Variants in EXOC6 observed in about 807,000 individuals in gnomAD.
EXOC6 encodes the protein SEC15-like 1.
Under a neutral mutation model 112.5 loss-of-function variants are expected in EXOC6, and 60 were observed. The observed-to-expected ratio is 0.53, with a 90% CI of 0.43 to 0.66. The LOEUF is 0.66. Ranked by LOEUF, EXOC6 falls within the 30% of genes least tolerant of loss-of-function variation. The probability of loss-of-function intolerance (pLI) is 0.00; values close to 1 mark genes in which losing one functional copy is unlikely to be tolerated. For missense variants in EXOC6, 855 were observed against 957.1 expected (o/e 0.89, Z 1.41); for synonymous variants, 295 against 308.0 (o/e 0.96, Z 0.44).
chr10:93,008,716 C>T (rs1844106923), intron 19 of EXOC6, among the ~76,000 whole-genome samples: 1 of 152,124 alleles, frequency 6.6e-6, no homozygotes, highest in Non-Finnish European at 1.5e-5. Flanking sequence ...ATTCAACACA[C>T]ATTTATTGAC....
At chr10:92,850,960 AAAAC>A (rs1847298300) in intron 1 of EXOC6, among the ~76,000 whole-genome samples, 3 of 152,366 alleles carry the variant, frequency 2.0e-5, no homozygotes, top group African/African-American at 7.2e-5. Context: ...GTAGTTAAAA[AAAAC>A]AAAAAAACAA....
chr10:93,013,830 A>G (rs75167419), intron 19 of EXOC6, among the ~76,000 whole-genome samples: 67 of 152,292 alleles, frequency 4.4e-4, no homozygotes, highest in African/African-American at 1.5e-3. Context: ...CAGCCATGGA[A>G]TTGGTATCAT....
Position 92,898,301 on chromosome 10 carries a change from G to A in EXOC6, c.413-1298G>A, listed in dbSNP as rs182789816. Among the ~76,000 whole-genome samples the A allele has an allele frequency of 3.1e-4, 47 of 151,478 alleles. No homozygotes were observed. In the East Asian group the frequency reaches 7.4e-3, roughly 24 times the overall value. ...AAAAAAATTAGCCAGCTGTGGTGGC[G>A]TACCTGTGGTTCTAACTACTGGGGA... On this transcript the variant is annotated intron_variant, in intron 4 of 21. Coordinates refer to ENST00000260762, the MANE Select transcript of EXOC6 (RefSeq NM_019053.6).
chr10:92,839,533 G>A (rs1166528368), intron 1 of EXOC6, among the ~76,000 whole-genome samples: 1 of 152,166 alleles, frequency 6.6e-6, no homozygotes, highest in Non-Finnish European at 1.5e-5. Flanking sequence ...CTAGGATAGG[G>A]TAGTAGCAGT....
At chr10:93,025,907 T>C (rs1564920582) in intron 20 of EXOC6, among the ~76,000 whole-genome samples, 1 of 152,166 alleles carries the variant, frequency 6.6e-6, no homozygotes, top group African/African-American at 2.4e-5. Context: ...TAGTCATTCT[T>C]CTCCTCCCTT....
At chr10:92,866,585 A>G (rs899106222) in intron 1 of EXOC6, among the ~76,000 whole-genome samples, 3 of 152,146 alleles carry the variant, frequency 2.0e-5, no homozygotes, top group Non-Finnish European at 2.9e-5. Context: ...GTTTAAATTA[A>G]AAGTTTGTCA....
At chr10:92,911,931 CTGTGTGCGTGTG>C (rs1400202545) in intron 6 of EXOC6, among the ~76,000 whole-genome samples, 3 of 44,104 alleles carry the variant, frequency 6.8e-5, no homozygotes, top group African/African-American at 2.4e-4. Flanking sequence ...CTCTCTCTCT[CTGTGTGCGTGTG>C]TGTGTGTGTG....
At chr10:92,921,205 GA>G (rs1851419153) in intron 8 of EXOC6, among the ~76,000 whole-genome samples, 1 of 148,378 alleles carries the variant, frequency 6.7e-6, no homozygotes, top group East Asian at 2.0e-4. Context: ...GCATTAAATA[GA>G]TATTTTCTTA....
At chr10:92,986,907 T>C (rs1248377900) in intron 18 of EXOC6, among the ~76,000 whole-genome samples, 1 of 152,000 alleles carries the variant, frequency 6.6e-6, no homozygotes, top group Non-Finnish European at 1.5e-5. Context: ...TTGAGACCAG[T>C]GATTTAGTTT....
At chr10:92,831,626 G>T (rs1846485125), upstream of EXOC6, among the ~76,000 whole-genome samples, 1 of 151,754 alleles carries the variant, frequency 6.6e-6, no homozygotes, top group Non-Finnish European at 1.5e-5. Flanking sequence ...GTAGAGATGG[G>T]GTTTCACCAT....
At chr10:92,848,482 C>G (rs1029073468), upstream of EXOC6, 13 of 1,260,756 alleles carry the variant, frequency 1.0e-5, no homozygotes, top group Non-Finnish European at 1.3e-5. Flanking sequence ...GGAGCTCGCC[C>G]CCGTCGTTCC....
rs771875395 is a variant in EXOC6 at position 93,047,334 on chromosome 10, C to T, written c.2170-9590C>T. Among the ~76,000 whole-genome samples the T allele has an allele frequency of 3.9e-4, 59 of 149,926 alleles. 1 individual carries two copies. The highest frequency in any genetic ancestry group is 8.0e-4 in the Non-Finnish European group (54 of 67,350). On this transcript the variant is annotated intron_variant, in intron 20 of 21. Transcript: ENST00000260762. ...GGTGGATCACTTGAGCCCCGGAGTT[C>T]GAGACCAGCCTGGCCAACGTGTGAA...
At chr10:92,917,880 C>T (rs545519698) in intron 7 of EXOC6, among the ~76,000 whole-genome samples, 9 of 152,102 alleles carry the variant, frequency 5.9e-5, no homozygotes, top group Admixed American at 1.3e-4. Context: ...GGCTTGATGC[C>T]GTGGCTCATG....
chr10:92,848,617 T>C lies in EXOC6; in HGVS notation c.84T>C (p.Cys28=). 1 of 1,440,278 alleles carries C rather than the reference T, an allele frequency of 6.9e-7. No individual in the cohort carries two copies. The highest frequency in any genetic ancestry group is 9.3e-7 in the Non-Finnish European group (1 of 1,079,142). 89.2% of individuals were successfully genotyped at this position (1,440,278 alleles called of 1,614,324 possible). The change falls in exon 1 of 22, where the codon TGT becomes TGC. Residue 28 remains cysteine (C), a synonymous_variant. Transcript: ENST00000260762. ...AGATCGAGAGCACCGACACCGCCTG[T>C]GTGGGGCCCACCCTCCGGTAAAGAT... ...LQEIESTDTA[C]VGPTLRSVYD...
chr10:92,953,277 C>T (rs555591244), intron 15 of EXOC6, among the ~76,000 whole-genome samples: 1 of 152,096 alleles, frequency 6.6e-6, no homozygotes, highest in Admixed American at 6.6e-5. Flanking sequence ...TGAGGTTGTG[C>T]CATGTTGGTC....
chr10:92,997,525 T>A lies in EXOC6; in HGVS notation c.2005T>A (p.Ser669Thr), dbSNP rs887068484. The change falls in exon 19 of 22, where the codon TCC (serine) becomes ACC (threonine). Residue 669 changes from serine (S) to threonine (T), a missense_variant. By Grantham distance (58) the Ser-to-Thr change is moderately conservative (BLOSUM62 1). Coordinates refer to ENST00000260762, the MANE Select transcript of EXOC6 (RefSeq NM_019053.6). ...CMSACQHLST[S>T]LMQMLLDSEL... ...GTCAGCCTGCCAGCATCTGTCAACATCCTTAATGCAGATGCTACTGGACAG... is the reference window on the plus strand; with the variant it reads ...GTCAGCCTGCCAGCATCTGTCAACAACCTTAATGCAGATGCTACTGGACAG... 2.5e-6 allele frequency: 4 copies of A among 1,613,170 alleles called. No homozygotes were observed. Among genetic ancestry groups the A allele is most frequent in the East Asian group, 2.2e-5 (1 of 44,846 alleles).
chr10:92,881,780 G>C (rs186325248), intron 1 of EXOC6, among the ~76,000 whole-genome samples: 1,665 of 151,630 alleles, frequency 0.011, 10 homozygotes, highest in Non-Finnish European at 0.019. Context: ...TGAATCATGG[G>C]GGTGGTTTCT....
chr10:93,029,961 C>T (rs868743028), intron 20 of EXOC6, among the ~76,000 whole-genome samples: 11 of 149,758 alleles, frequency 7.3e-5, no homozygotes, highest in South Asian at 4.2e-4. Flanking sequence ...CAGGCTGGAG[C>T]GCAATGGCGC....
At chr10:92,904,915 T>C (rs2133856733) in intron 5 of EXOC6, among the ~76,000 whole-genome samples, 1 of 152,228 alleles carries the variant, frequency 6.6e-6, no homozygotes, top group East Asian at 1.9e-4. Flanking sequence ...TTCTAGAGTC[T>C]TAGAGTTTTG....
Sources: gnomAD v4.1 joint callset for allele counts (sites outside exome capture counted in the v4.1 genomes callset) on GRCh38, gnomAD v4.1.1 for gene constraint, MANE v1.5 for transcripts, NCBI Gene and HGNC (gene_info 2026-07-23, HGNC 2026-07-21) for gene names.